Variants in NFASC observed in about 807,000 individuals in gnomAD.
NFASC encodes neurofascin.
In NFASC, 43 loss-of-function variants were observed where a neutral mutation model predicts 147.5. The observed-to-expected ratio is 0.29, with a 90% CI of 0.23 to 0.38. NFASC has a LOEUF of 0.38. Among genes scored for constraint, NFASC ranks in the 10% least tolerant of loss-of-function variants. NFASC has a pLI of 1.00. For missense variants in NFASC, 1,320 were observed against 1,689.0 expected, an observed-to-expected ratio of 0.78 and a Z score of 3.83; for synonymous variants, 622 against 665.5, an observed-to-expected ratio of 0.93 and a Z score of 1.01.
chr1:204,855,212 T>C (rs565347948), intron 1 of NFASC, among the ~76,000 whole-genome samples: 45 of 152,222 alleles, frequency 3.0e-4, no homozygotes, highest in Non-Finnish European at 6.3e-4. Context: ...ACTTAGCCTC[T>C]TACCTCAAGG....
At chr1:204,926,716 A>G (rs926084298) in intron 2 of NFASC, among the ~76,000 whole-genome samples, 6 of 150,990 alleles carry the variant, frequency 4.0e-5, no homozygotes, top group African/African-American at 1.5e-4. Context: ...GCCTTGCCTT[A>G]TTACTATTTT....
intron 1 of NFASC, among the ~76,000 whole-genome samples, chr1:204,902,472 C>T (rs765029649): frequency 9.2e-5 from 14 of 152,116 alleles, no homozygotes; most frequent in Non-Finnish European, 1.3e-4. Context: ...CCTATTAAAA[C>T]GATTAATATT....
chr1:204,938,462 T>A (rs1277437540), intron 2 of NFASC, among the ~76,000 whole-genome samples: 1 of 152,218 alleles, frequency 6.6e-6, no homozygotes, highest in Non-Finnish European at 1.5e-5. Flanking sequence ...CTAGAATTGG[T>A]GCTATTGTTA....
intron 1 of NFASC, among the ~76,000 whole-genome samples, chr1:204,849,640 C>T (rs1456098911): frequency 1.3e-5 from 2 of 152,202 alleles, no homozygotes; most frequent in Non-Finnish European, 2.9e-5. Context: ...AAGCTTAATA[C>T]TGTTTGGTTT....
intron 8 of NFASC, among the ~76,000 whole-genome samples, chr1:204,958,077 TAGAACCTGGCAGCGTACCC>T (rs2094506015): frequency 6.6e-6 from 1 of 152,092 alleles, no homozygotes; most frequent in African/African-American, 2.4e-5. Context: ...AGAATCACCT[TAGAACCTGGCAGCGTACCC>T]AGAACCAGCC....
rs755319450 is a variant in NFASC at position 204,993,751 on chromosome 1, G to T, written c.2782+2445G>T. 1.5e-4 allele frequency: 76 copies of T among 517,068 alleles called. 1 individual carries two copies. The highest frequency in any genetic ancestry group is 1.2e-3 in the Admixed American group (62 of 51,344). The allele number at this position is 517,068 out of a possible 1,614,324, so 32.0% of individuals were successfully genotyped here. ...TGTAGCTCCTATTGCGGCAGGAAATGACATCCTAGCCCAGTCATGTGTCTG... is the reference window on the plus strand; with the variant it reads ...TGTAGCTCCTATTGCGGCAGGAAATTACATCCTAGCCCAGTCATGTGTCTG... On this transcript the variant is annotated intron_variant, in intron 24 of 29. Transcript: ENST00000339876.
chr1:204,877,008 AT>A (rs1558547592), intron 1 of NFASC, among the ~76,000 whole-genome samples: 2 of 110,434 alleles, frequency 1.8e-5, no homozygotes, highest in Non-Finnish European at 3.2e-5. Context: ...ATATATATAT[AT>A]ATATATATAT....
intron 1 of NFASC, among the ~76,000 whole-genome samples, chr1:204,892,319 A>C (rs1159676837): frequency 6.6e-6 from 1 of 152,244 alleles, no homozygotes; most frequent in Non-Finnish European, 1.5e-5. Flanking sequence ...GTCTTGTTGC[A>C]TAACAAGCCA....
At chr1:204,920,019 G>T (rs547880861) in intron 1 of NFASC, among the ~76,000 whole-genome samples, 92 of 152,296 alleles carry the variant, frequency 6.0e-4, no homozygotes, top group Admixed American at 2.2e-3. Flanking sequence ...CTTGAACCCT[G>T]CTAACTAATG....
chr1:204,965,452 GGGCC>G (rs2094894799), intron 8 of NFASC, among the ~76,000 whole-genome samples: 1 of 152,112 alleles, frequency 6.6e-6, no homozygotes, highest in Non-Finnish European at 1.5e-5. Flanking sequence ...CTTTCCTTTA[GGGCC>G]AGCCATCTCA....
At chr1:204,894,363 G>A (rs1366370818) in intron 1 of NFASC, among the ~76,000 whole-genome samples, 6 of 152,202 alleles carry the variant, frequency 3.9e-5, no homozygotes, top group Admixed American at 3.9e-4. Context: ...TTGGGTAGGA[G>A]GAAATGCATT....
rs149673429 is a variant in NFASC at position 204,885,439 on chromosome 1, A to G, written c.-199-35193A>G. 7.6e-4 allele frequency among the ~76,000 whole-genome samples: 116 copies of G among 152,184 alleles called. 1 individual carries two copies. The highest frequency in any genetic ancestry group is 4.2e-3 in the South Asian group (20 of 4,808). ...GCACCTCCTTGCCAAAGTCCAGAAA[A>G]TCTGTGTGGCTAAATGGTGAAAGAA... On this transcript the variant is annotated intron_variant, in intron 1 of 29. Transcript: ENST00000339876.
At chr1:204,920,427 C>CTTTTTTTTTTTTTTTTTTTTT (rs11381518) in intron 1 of NFASC, among the ~76,000 whole-genome samples, 2 of 119,600 alleles carry the variant, frequency 1.7e-5, no homozygotes, top group Non-Finnish European at 3.4e-5. Flanking sequence ...AGGATCTGTC[C>CTTTTTTTTTTTTTTTTTTTTT]TTTTTTTTTT....
At chr1:204,853,435 T>C (rs956204781) in intron 1 of NFASC, among the ~76,000 whole-genome samples, 2 of 152,238 alleles carry the variant, frequency 1.3e-5, no homozygotes, top group African/African-American at 4.8e-5. Context: ...CTTGACTGGC[T>C]TCCCAGAGCT....
At chr1:204,883,169 G>C (rs1343930703) in intron 1 of NFASC, among the ~76,000 whole-genome samples, 1 of 152,182 alleles carries the variant, frequency 6.6e-6, no homozygotes, top group Non-Finnish European at 1.5e-5. Context: ...CTCGCACTGG[G>C]AGCCCAGCTT....
intron 25 of NFASC, chr1:204,999,060 T>C (rs1456745667): frequency 6.6e-6 from 1 of 152,256 alleles, no homozygotes; most frequent in East Asian, 1.9e-4. Flanking sequence ...AAAAGATGTT[T>C]CATAAGTTTA....
At chr1:204,996,908 G>A (rs2095856708) in intron 24 of NFASC, among the ~76,000 whole-genome samples, 1 of 152,150 alleles carries the variant, frequency 6.6e-6, no homozygotes, top group Admixed American at 6.5e-5. Flanking sequence ...CGCATCCTTG[G>A]CTGGGTGCAT....
rs564923944 is a variant in NFASC, at chr1:205,022,275, A to T, written c.*5736A>T. ...TGCCCGGCTCCCCAGCTCTTTGCCA[A>T]CCTCTTCACACTCCCCTTGAGCTGA... On this transcript the variant is annotated 3_prime_UTR_variant, in exon 30 of 30. Transcript: ENST00000339876. 1.3e-5 allele frequency: 2 copies of T among 152,276 alleles called. No homozygotes were observed. Among genetic ancestry groups the T allele is most frequent in the Admixed American group, 6.6e-5 (1 of 15,262 alleles). The allele number at this position is 152,276 out of a possible 1,614,324, so 9.4% of individuals were successfully genotyped here.
intron 1 of NFASC, among the ~76,000 whole-genome samples, chr1:204,860,142 T>C (rs933516522): frequency 6.6e-6 from 1 of 152,166 alleles, no homozygotes; most frequent in Admixed American, 6.5e-5. Context: ...CACACCCTGA[T>C]GGCCCAGGAG....
Sources: gnomAD v4.1 joint callset for allele counts (sites outside exome capture counted in the v4.1 genomes callset) on GRCh38, gnomAD v4.1.1 for gene constraint, MANE v1.5 for transcripts, NCBI Gene and HGNC (gene_info 2026-07-23, HGNC 2026-07-21) for gene names.